RNF216: variants seen among roughly 807,000 people sequenced by gnomAD.
RNF216 encodes E3 ubiquitin-protein ligase RNF216.
A neutral mutation model predicts 110.8 loss-of-function variants in RNF216; 72 were observed. That is an observed-to-expected ratio of 0.65 (90% CI 0.54 to 0.79). The LOEUF is 0.79. Among genes scored for constraint, RNF216 ranks in the 30% least tolerant of loss-of-function variants. The probability of loss-of-function intolerance (pLI) is 0.00; values close to 1 mark genes in which losing one functional copy is unlikely to be tolerated. For missense variants in RNF216, 1,342 were observed against 1,141.2 expected (o/e 1.18, Z -2.54); for synonymous variants, 495 against 407.5 (o/e 1.21, Z -2.59).
At chr7:5,745,541 T>G (rs974328318) in intron 3 of RNF216, among the ~76,000 whole-genome samples, 2 of 152,080 alleles carry the variant, frequency 1.3e-5, no homozygotes, top group Admixed American at 6.6e-5. Context: ...TTCAAGAAAT[T>G]AAGAGTCAAC....
At chr7:5,682,148 G>A (rs1044615648) in intron 13 of RNF216, among the ~76,000 whole-genome samples, 19 of 152,300 alleles carry the variant, frequency 1.2e-4, no homozygotes, top group African/African-American at 4.6e-4. Context: ...AAAACCGTTG[G>A]CTTTCTTTCC....
chr7:5,780,393 G>A (rs1250934059), intron 1 of RNF216: 1 of 152,130 alleles, frequency 6.6e-6, no homozygotes, highest in African/African-American at 2.4e-5. Flanking sequence ...GCTTCTTACT[G>A]AAGGGCCCGA....
chr7:5,640,790 A>T (rs1037204154), intron 15 of RNF216, among the ~76,000 whole-genome samples: 7 of 152,340 alleles, frequency 4.6e-5, no homozygotes, highest in African/African-American at 1.7e-4. Flanking sequence ...CTCATAAGAA[A>T]ATCTGTAGTT....
intron 2 of RNF216, among the ~76,000 whole-genome samples, chr7:5,756,962 T>A (rs1015694508): frequency 6.6e-6 from 1 of 152,202 alleles, no homozygotes; most frequent in Non-Finnish European, 1.5e-5. Context: ...GTCTAATGTA[T>A]TTTAGGCCAT....
rs3801011 is a variant in RNF216, at chr7:5,696,347, C to G, written c.2061+15414G>C. Among the ~76,000 whole-genome samples the G allele has an allele frequency of 2.0e-5, 3 of 152,218 alleles. No individual in the cohort carries two copies. Among genetic ancestry groups the G allele is most frequent in the African/African-American group, 7.2e-5 (3 of 41,454 alleles). On this transcript the variant is annotated intron_variant, in intron 13 of 16. Coordinates refer to ENST00000389902, the MANE Select transcript of RNF216 (RefSeq NM_207111.4). The surrounding 1 kb of genome is among the most constrained non-coding windows in gnomAD (Gnocchi z 5.4). ...CTGAGTGAGAGAAATTAAGCTTATT[C>G]GACATGCCTTCGGCTGGAAAACAAG...
intron 13 of RNF216, among the ~76,000 whole-genome samples, chr7:5,665,931 C>T (rs1024407407): frequency 3.3e-5 from 5 of 152,124 alleles, no homozygotes; most frequent in East Asian, 1.9e-4. Context: ...TTTGGGAGGC[C>T]GAGACAGGCG....
chr7:5,739,573 C>G (rs962572001), intron 4 of RNF216: 1 of 625,452 alleles, frequency 1.6e-6, no homozygotes, highest in Admixed American at 2.1e-5. Context: ...GTTCTCTGTC[C>G]CCATTTTACA....
At chr7:5,756,713 C>T (rs1201523600) in intron 2 of RNF216, among the ~76,000 whole-genome samples, 5 of 152,226 alleles carry the variant, frequency 3.3e-5, no homozygotes, top group Non-Finnish European at 7.3e-5. Context: ...CCTTGACCTA[C>T]TACTGGGTTC....
At chr7:5,702,532 G>T (rs1004916170) in intron 13 of RNF216, among the ~76,000 whole-genome samples, 1 of 152,134 alleles carries the variant, frequency 6.6e-6, no homozygotes, top group Admixed American at 6.6e-5. Flanking sequence ...AGGCAGGGTG[G>T]GAAGGGAGGC....
intron 13 of RNF216, among the ~76,000 whole-genome samples, chr7:5,668,221 G>A (rs1187232062): frequency 6.6e-6 from 1 of 150,938 alleles, no homozygotes; most frequent in Non-Finnish European, 1.5e-5. Context: ...ATAGCAAAGC[G>A]GACTTTTTTT....
rs146605378 is a variant in RNF216 at position 5,632,128 on chromosome 7, C to T, written c.2383-8003G>A. 2.2e-4 allele frequency among the ~76,000 whole-genome samples: 33 copies of T among 152,294 alleles called. No individual in the cohort carries two copies. The East Asian group carries it at 2.3e-3, about 11-fold the overall frequency. On this transcript the variant is annotated intron_variant, in intron 15 of 16. Coordinates refer to ENST00000389902, the MANE Select transcript of RNF216 (RefSeq NM_207111.4). ...GGGTTGCTGGGCTCACCCTGGACAG[C>T]GGTCTATAGAGGTTCACCTGAACCT... is the stretch of plus-strand genomic sequence containing the variant.
chr7:5,746,337 T>A (rs1795028657), intron 3 of RNF216, among the ~76,000 whole-genome samples: 1 of 152,198 alleles, frequency 6.6e-6, no homozygotes. Flanking sequence ...AATAACTGTA[T>A]TTTTTGCTCC....
chr7:5,670,443 G>A (rs912698182), intron 13 of RNF216, among the ~76,000 whole-genome samples: 1 of 152,012 alleles, frequency 6.6e-6, no homozygotes, highest in Non-Finnish European at 1.5e-5. Flanking sequence ...CTGAACTGGT[G>A]GTTGGGTAAA....
rs1336823819 is a variant in RNF216 at position 5,696,912 on chromosome 7, C to T, written c.2061+14849G>A. On this transcript the variant is annotated intron_variant, in intron 13 of 16. Transcript: ENST00000389902. The surrounding 1 kb of genome is among the most constrained non-coding windows in gnomAD (Gnocchi z 5.4). ...CTGATCTCTCCCTCCCTCCCACTCC[C>T]TTTCAAGGATCTACAAAATTCACCC... is the stretch of plus-strand genomic sequence containing the variant. Among the ~76,000 whole-genome samples the T allele has an allele frequency of 3.3e-5, 5 of 152,146 alleles. No homozygotes were observed. The highest frequency in any genetic ancestry group is 1.3e-4 in the Admixed American group (2 of 15,280).
intron 13 of RNF216, among the ~76,000 whole-genome samples, chr7:5,708,448 T>C (rs915946106): frequency 2.6e-5 from 4 of 152,248 alleles, no homozygotes; most frequent in Non-Finnish European, 5.9e-5. Flanking sequence ...ACAATGGTTT[T>C]ACACTTTTTG....
At chr7:5,716,877 C>T (rs1012125469) in intron 9 of RNF216, 111 bp from the exon 10 acceptor site, 1 of 788,544 alleles carries the variant, frequency 1.3e-6, no homozygotes. Context: ...TCTTCAATTA[C>T]ACAGTTTAGC....
At chr7:5,631,139 A>G (rs904219494) in intron 15 of RNF216, among the ~76,000 whole-genome samples, 1 of 152,124 alleles carries the variant, frequency 6.6e-6, no homozygotes, top group Non-Finnish European at 1.5e-5. Context: ...AAACAAAACA[A>G]AACACTTCTA....
intron 13 of RNF216, among the ~76,000 whole-genome samples, chr7:5,667,090 G>A (rs1181002813): frequency 1.3e-5 from 2 of 152,182 alleles, no homozygotes; most frequent in South Asian, 2.1e-4. Flanking sequence ...ACAGTTGTGA[G>A]GCACTGTGCC....
chr7:5,750,039 C>T (rs995460677), intron 3 of RNF216, among the ~76,000 whole-genome samples: 3 of 152,120 alleles, frequency 2.0e-5, no homozygotes, highest in Non-Finnish European at 2.9e-5. Flanking sequence ...CAACAGGATC[C>T]CTCCAGAATT....
Sources: gnomAD v4.1 joint callset for allele counts (sites outside exome capture counted in the v4.1 genomes callset) on GRCh38, gnomAD v4.1.1 for gene constraint, Gnocchi (gnomAD v3.1) non-coding constraint, MANE v1.5 for transcripts, NCBI Gene and HGNC (gene_info 2026-07-23, HGNC 2026-07-21) for gene names.